Variants in ABTB3 observed in about 807,000 individuals in gnomAD.
The protein encoded by ABTB3 is ankyrin repeat- and BTB/POZ domain-containing protein 3.
At chr12:107,367,006 G>C in the ABTB3 span, among the ~76,000 whole-genome samples, 3 of 152,210 alleles carry the variant, frequency 2.0e-5, no homozygotes, top group Non-Finnish European at 2.9e-5. Context: ...CTGAGAACCT[G>C]TCAGTCAGCT....
At chr12:107,646,628 GTC>G in the ABTB3 span, among the ~76,000 whole-genome samples, 1 of 152,136 alleles carries the variant, frequency 6.6e-6, no homozygotes, top group African/African-American at 2.4e-5. Context: ...CAAGCAGATG[GTC>G]ACAAGAGCCC....
chr12:107,382,071 A>G, the ABTB3 span, among the ~76,000 whole-genome samples: 1 of 152,226 alleles, frequency 6.6e-6, no homozygotes, highest in African/African-American at 2.4e-5. Context: ...AGAAAAAAAC[A>G]ATAAATGAAG....
chr12:107,459,851 C>T, the ABTB3 span, among the ~76,000 whole-genome samples: 457 of 152,350 alleles, frequency 3.0e-3, 3 homozygotes, highest in African/African-American at 0.011. Flanking sequence ...CCCGGCCCTC[C>T]AGAGTGCCCC....
chr12:107,512,413 T>C, the ABTB3 span, among the ~76,000 whole-genome samples: 1 of 152,236 alleles, frequency 6.6e-6, no homozygotes, highest in Non-Finnish European at 1.5e-5. Flanking sequence ...ACTTTGTCTT[T>C]TGTCCCATGG....
the ABTB3 span, among the ~76,000 whole-genome samples, chr12:107,401,602 A>G: frequency 2.6e-5 from 4 of 152,314 alleles, no homozygotes; most frequent in East Asian, 5.8e-4. Context: ...CTGGTGCTTG[A>G]TCTTGAGCGG....
At chr12:107,520,590 C>G in the ABTB3 span, 10 of 1,614,102 alleles carry the variant, frequency 6.2e-6, no homozygotes, top group Non-Finnish European at 6.8e-6. Flanking sequence ...TGAGGACCAT[C>G]GAGCAGTCTT....
At chr12:107,486,958 C>G in the ABTB3 span, among the ~76,000 whole-genome samples, 1 of 152,220 alleles carries the variant, frequency 6.6e-6, no homozygotes, top group East Asian at 1.9e-4. Flanking sequence ...GGGTTTGAAC[C>G]CAGGTAGTCT....
the ABTB3 span, among the ~76,000 whole-genome samples, chr12:107,632,456 A>G: frequency 6.6e-6 from 1 of 152,212 alleles, no homozygotes; most frequent in African/African-American, 2.4e-5. Context: ...AACAGGTCTT[A>G]TCTTTTTTAT....
At chr12:107,657,377 G>T in the ABTB3 span, 3 of 770,354 alleles carry the variant, frequency 3.9e-6, no homozygotes, top group Admixed American at 6.3e-5. Flanking sequence ...ATGGGTGTGT[G>T]CTGGGGAATC....
the ABTB3 span, among the ~76,000 whole-genome samples, chr12:107,453,494 A>G: frequency 4.5e-4 from 68 of 152,286 alleles, no homozygotes; most frequent in African/African-American, 1.6e-3. Context: ...AGTGCCAACT[A>G]TGGGCCAGGA....
At chr12:107,361,689 T>C in the ABTB3 span, among the ~76,000 whole-genome samples, 1 of 152,132 alleles carries the variant, frequency 6.6e-6, no homozygotes, top group East Asian at 1.9e-4. Flanking sequence ...CTGATATAGC[T>C]GATGTAGACT....
At chr12:107,591,341 G>A in the ABTB3 span, among the ~76,000 whole-genome samples, 1 of 152,308 alleles carries the variant, frequency 6.6e-6, no homozygotes. Context: ...TTGACTCAGC[G>A]ATCCACAGTC....
the ABTB3 span, among the ~76,000 whole-genome samples, chr12:107,508,358 A>T: frequency 6.6e-6 from 1 of 151,288 alleles, no homozygotes; most frequent in Non-Finnish European, 1.5e-5. Flanking sequence ...AGTAAGGTAG[A>T]CATTGTCCAA....
chr12:107,470,698 G>A, the ABTB3 span, among the ~76,000 whole-genome samples: 2 of 152,296 alleles, frequency 1.3e-5, no homozygotes, highest in African/African-American at 2.4e-5. Flanking sequence ...AAAATTAACC[G>A]ACCCTGGCCT....
At chr12:107,635,850 A>ACCCCCCCCCCC in the ABTB3 span, among the ~76,000 whole-genome samples, 9 of 56,610 alleles carry the variant, frequency 1.6e-4, no homozygotes, top group Admixed American at 4.7e-4. Flanking sequence ...GGGAGGAACA[A>ACCCCCCCCCCC]CCCCCCCCCC....
chr12:107,654,834 A>ACACACG, the ABTB3 span, among the ~76,000 whole-genome samples: 262 of 148,684 alleles, frequency 1.8e-3, 1 homozygote, highest in African/African-American at 5.9e-3. Flanking sequence ...ACACACACAC[A>ACACACG]CACACACACA....
At chr12:107,320,527 C>T in the ABTB3 span, 3 of 368,158 alleles carry the variant, frequency 8.1e-6, no homozygotes, top group Non-Finnish European at 1.5e-5. Flanking sequence ...ATCCAGTGCT[C>T]CCACTTCCCC....
the ABTB3 span, among the ~76,000 whole-genome samples, chr12:107,470,275 G>A: frequency 6.6e-6 from 1 of 151,964 alleles, no homozygotes; most frequent in Non-Finnish European, 1.5e-5. Context: ...CTGACCTCAA[G>A]TGATCCACCC....
the ABTB3 span, among the ~76,000 whole-genome samples, chr12:107,344,862 T>C: frequency 6.6e-6 from 1 of 152,368 alleles, no homozygotes; most frequent in African/African-American, 2.4e-5. Context: ...AGTGCCTTGA[T>C]TAATAAGAGT....
Sources: allele counts gnomAD v4.1 joint callset (sites outside exome capture counted in the v4.1 genomes callset), GRCh38; gene constraint gnomAD v4.1.1; transcripts MANE v1.5; gene names NCBI Gene and HGNC (gene_info 2026-07-23, HGNC 2026-07-21).